The following FGF12 variants were observed in gnomAD, a reference collection of about 807,000 sequenced individuals.
FGF12 encodes fibroblast growth factor 12, also known as fibroblast growth factor 12B.
Under a neutral mutation model 23.6 loss-of-function variants are expected in FGF12, and 14 were observed. The ratio of observed to expected loss-of-function variants is 0.59; its 90% CI spans 0.39 to 0.93. The LOEUF is 0.93. FGF12 is among the 40% of genes least tolerant of loss of function. The pLI is 0.00. For missense variants in FGF12, 175 were observed against 217.8 expected, an observed-to-expected ratio of 0.80 and a Z score of 1.24; for synonymous variants, 62 against 77.3, an observed-to-expected ratio of 0.80 and a Z score of 1.04.
chr3:192,273,892 T>C (rs1199541400), intron 4 of FGF12, among the ~76,000 whole-genome samples: 2 of 145,980 alleles, frequency 1.4e-5, no homozygotes, highest in Non-Finnish European at 3.0e-5. Flanking sequence ...CTTCAGGATG[T>C]TAAGTGAGTG....
intron 2 of FGF12, among the ~76,000 whole-genome samples, chr3:192,668,669 T>G (rs1053799479): frequency 1.3e-5 from 2 of 152,186 alleles, no homozygotes; most frequent in Non-Finnish European, 2.9e-5. Context: ...AGACCTGGTT[T>G]GGAGCTGTGC....
At chr3:192,184,222 A>C (rs926571426) in intron 4 of FGF12, among the ~76,000 whole-genome samples, 11 of 152,196 alleles carry the variant, frequency 7.2e-5, no homozygotes, top group Admixed American at 3.3e-4. Context: ...CCTGTCCCCC[A>C]AAAATAAAAT....
chr3:192,717,135 T>C (rs1223363257), intron 2 of FGF12, among the ~76,000 whole-genome samples: 2 of 152,164 alleles, frequency 1.3e-5, no homozygotes, highest in Non-Finnish European at 2.9e-5. Flanking sequence ...GTTAATAAAA[T>C]CTGTACATAC....
At position 192,392,358 on chromosome 3, in the gene FGF12, G is replaced by A. The variant is rs563598328; in HGVS notation, c.14-31820C>T. Among the ~76,000 whole-genome samples, 11 of 151,504 alleles carry A rather than the reference G, an allele frequency of 7.3e-5. No homozygotes were observed. In the East Asian group the frequency reaches 1.6e-3, roughly 21 times the overall value. ...CCAAGGTGGGCTGATCCCTGAGGTC[G>A]GGAGTTCGAGACCAGCCTGACCAAC... On this transcript the variant is annotated intron_variant, in intron 2 of 5. Coordinates refer to ENST00000445105, the MANE Select transcript of FGF12 (RefSeq NM_004113.6).
chr3:192,448,183 A>G (rs1722417821), intron 2 of FGF12, among the ~76,000 whole-genome samples: 1 of 152,206 alleles, frequency 6.6e-6, no homozygotes, highest in South Asian at 2.1e-4. Context: ...TGCAGCTATT[A>G]AATTCAGTTC....
intron 2 of FGF12, among the ~76,000 whole-genome samples, chr3:192,711,188 T>C (rs1221017104): frequency 1.3e-5 from 2 of 152,212 alleles, no homozygotes; most frequent in East Asian, 1.9e-4. Flanking sequence ...ACAGAGGTTA[T>C]AGAGGGAGAT....
intron 5 of FGF12, among the ~76,000 whole-genome samples, chr3:192,145,529 A>G (rs902334110): frequency 2.0e-5 from 3 of 152,244 alleles, no homozygotes; most frequent in Non-Finnish European, 4.4e-5. Flanking sequence ...TGAGCTTGAG[A>G]GTCTCCATTT....
At chr3:192,647,762 T>TAC (rs966060563) in intron 2 of FGF12, among the ~76,000 whole-genome samples, 12 of 150,128 alleles carry the variant, frequency 8.0e-5, no homozygotes, top group African/African-American at 2.9e-4. Flanking sequence ...CATATATATA[T>TAC]ACACACACTA....
chr3:192,394,978 G>T (rs1720458341), intron 2 of FGF12, among the ~76,000 whole-genome samples: 1 of 152,122 alleles, frequency 6.6e-6, no homozygotes, highest in African/African-American at 2.4e-5. Context: ...TTCCCTCAAG[G>T]GTATTTAACA....
chr3:192,582,444 G>C (rs536381280), intron 2 of FGF12, among the ~76,000 whole-genome samples: 1 of 152,118 alleles, frequency 6.6e-6, no homozygotes, highest in African/African-American at 2.4e-5. Context: ...AGTTTAGCAA[G>C]TTATGAAGAG....
At chr3:192,523,266 T>A (rs987140808) in intron 2 of FGF12, among the ~76,000 whole-genome samples, 2 of 152,138 alleles carry the variant, frequency 1.3e-5, no homozygotes, top group Non-Finnish European at 2.9e-5. Context: ...CAGTAGAATG[T>A]TGGTACCAAA....
chr3:192,353,451 C>T (rs1232007951), intron 3 of FGF12, among the ~76,000 whole-genome samples: 1 of 144,144 alleles, frequency 6.9e-6, no homozygotes, highest in South Asian at 2.3e-4. Context: ...CTCACTGCAA[C>T]CTCTGCCTCC....
At chr3:192,589,556 T>C in intron 2 of FGF12, among the ~76,000 whole-genome samples, 1 of 151,830 alleles carries the variant, frequency 6.6e-6, no homozygotes, top group Non-Finnish European at 1.5e-5. Context: ...TATCAACTTA[T>C]TTCTAGGCTT....
intron 2 of FGF12, among the ~76,000 whole-genome samples, chr3:192,623,551 G>GC (rs1715051949): frequency 6.6e-6 from 1 of 152,122 alleles, no homozygotes; most frequent in South Asian, 2.1e-4. Flanking sequence ...TTTGTATTCT[G>GC]TTTTTTATCC....
intron 4 of FGF12, among the ~76,000 whole-genome samples, chr3:192,219,410 A>C (rs949784505): frequency 1.3e-5 from 2 of 150,928 alleles, no homozygotes. Flanking sequence ...TATCAGAAGA[A>C]CTGACTAGTG....
rs1724616639 is a variant in FGF12 at position 192,514,937 on chromosome 3, G to A, written c.14-154399C>T. ...CCGGCAGGGGGCGGGCCGGGACGCG[G>A]AAGTGCCGGTCCGCCGGGGGCAGCC... is the stretch of plus-strand genomic sequence containing the variant. On this transcript the variant is annotated intron_variant, in intron 2 of 5. Coordinates refer to ENST00000445105, the MANE Select transcript of FGF12 (RefSeq NM_004113.6). The surrounding 1 kb of genome is among the most constrained non-coding windows in gnomAD (Gnocchi z 4.9). 24 of 921,004 alleles carry A rather than the reference G, an allele frequency of 2.6e-5. No homozygotes were observed. The highest frequency in any genetic ancestry group is 6.2e-5 in the Admixed American group (1 of 16,218). The allele number at this position is 921,004 out of a possible 1,614,324, so 57.1% of individuals were successfully genotyped here.
chr3:192,550,445 A>G (rs1725605741), intron 2 of FGF12, among the ~76,000 whole-genome samples: 2 of 150,788 alleles, frequency 1.3e-5, no homozygotes, highest in South Asian at 4.2e-4. Context: ...TACATTATAT[A>G]TTACACAGAT....
At chr3:192,587,683 TG>T (rs1713427979) in intron 2 of FGF12, among the ~76,000 whole-genome samples, 1 of 151,732 alleles carries the variant, frequency 6.6e-6, no homozygotes. Context: ...TTGCCAGATG[TG>T]GTGGCACACA....
chr3:192,143,184 C>T lies in FGF12; in HGVS notation c.*825G>A, dbSNP rs1287161633. On this transcript the variant is annotated 3_prime_UTR_variant, in exon 6 of 6. Coordinates refer to ENST00000445105, the MANE Select transcript of FGF12 (RefSeq NM_004113.6). ...CTGGACATGGCACTGGCAAAAGTCA[C>T]TTCAGCATTAGAACAGTAATGTTTT... 1 of 144,686 alleles carries T rather than the reference C, an allele frequency of 6.9e-6. No individual in the cohort carries two copies. Among genetic ancestry groups the T allele is most frequent in the Non-Finnish European group, 1.5e-5 (1 of 66,696 alleles). 9.0% of individuals were successfully genotyped at this position (144,686 alleles called of 1,614,324 possible).
Sources: allele counts gnomAD v4.1 joint callset (sites outside exome capture counted in the v4.1 genomes callset), GRCh38; gene constraint gnomAD v4.1.1; non-coding constraint Gnocchi (gnomAD v3.1); transcripts MANE v1.5; gene names NCBI Gene and HGNC (gene_info 2026-07-23, HGNC 2026-07-21).